Variants in FGF14 observed in about 807,000 individuals in gnomAD.
FGF14 encodes fibroblast growth factor 14.
FGF14 carries 5 observed loss-of-function variants against 25.5 expected under a neutral mutation model. The ratio of observed to expected loss-of-function variants is 0.20; its 90% CI spans 0.10 to 0.41. The LOEUF is 0.41. Ranked by LOEUF, FGF14 falls within the 10% of genes least tolerant of loss-of-function variation. The pLI, the probability that FGF14 is intolerant of heterozygous loss-of-function variation, is 1.00. For synonymous variants in FGF14, 138 were observed against 118.3 expected (o/e 1.17, Z -1.08); for missense variants, 222 against 320.1 (o/e 0.69, Z 2.34).
intron 1 of FGF14, among the ~76,000 whole-genome samples, chr13:102,233,526 C>T (rs949284255): frequency 2.0e-5 from 3 of 152,100 alleles, no homozygotes; most frequent in African/African-American, 7.2e-5. Context: ...TTGTTCACAG[C>T]TGTACCCCCA....
In FGF14 at chr13:102,234,203, A is replaced by G. The variant is rs544091608; in HGVS notation, c.208+167268T>C. The stretch of plus-strand genomic sequence containing the variant: ...ATACACTTAAATGTGAAGGTACTTA[A>G]TACCATGGAAATATACGCTTAAATG... On this transcript the variant is annotated intron_variant, in intron 1 of 4. Transcript: ENST00000376131. 1.6e-4 allele frequency among the ~76,000 whole-genome samples: 24 copies of G among 151,816 alleles called. No individual in the cohort carries two copies. In the South Asian group the frequency reaches 3.6e-3, roughly 23 times the overall value.
At chr13:102,260,631 G>C (rs2052672999) in intron 1 of FGF14, among the ~76,000 whole-genome samples, 1 of 152,242 alleles carries the variant, frequency 6.6e-6, no homozygotes, top group African/African-American at 2.4e-5. Flanking sequence ...CTGTTCATTT[G>C]CTGTAACGTG....
intron 3 of FGF14, among the ~76,000 whole-genome samples, chr13:101,847,211 C>A (rs1447586343): frequency 6.6e-6 from 1 of 151,802 alleles, no homozygotes; most frequent in East Asian, 1.9e-4. Flanking sequence ...TAAAACTATC[C>A]CTGTCTCTGG....
At chr13:102,120,466 C>T (rs181680511) in intron 1 of FGF14, among the ~76,000 whole-genome samples, 4 of 152,134 alleles carry the variant, frequency 2.6e-5, no homozygotes, top group African/African-American at 7.2e-5. Flanking sequence ...GACCCAGGGA[C>T]ACAGGACATA....
chr13:102,037,877 A>G (rs1483436788), intron 1 of FGF14, among the ~76,000 whole-genome samples: 1 of 152,140 alleles, frequency 6.6e-6, no homozygotes, highest in Middle Eastern at 3.2e-3. Flanking sequence ...CCTAGAAAGT[A>G]TAAATTTCCC....
rs1566523265 is a variant in FGF14, at chr13:101,977,200, C to CA, written c.209-101905dup. 6.2e-5 allele frequency among the ~76,000 whole-genome samples: 8 copies of CA among 129,958 alleles called. No homozygotes were observed. The South Asian group carries it at 1.8e-3, about 29-fold the overall frequency. 85.3% of individuals were successfully genotyped at this position (129,958 alleles called of 152,430 possible). A position where few individuals can be genotyped will look rare whatever the true frequency, so the allele number is the denominator to read the frequency against. On this transcript the variant is annotated intron_variant, in intron 1 of 4. Transcript: ENST00000376131. ...ATGAGGATCCCTCATGCCCAGGACC[C>CA]AGGCACTACTCCCCTCCTCCCTAAA... is the stretch of plus-strand genomic sequence containing the variant.
chr13:102,329,092 T>C (rs979854497), intron 1 of FGF14, among the ~76,000 whole-genome samples: 1 of 152,218 alleles, frequency 6.6e-6, no homozygotes, highest in Non-Finnish European at 1.5e-5. Context: ...ATGACCTAAC[T>C]GCTGAAGTTC....
intron 1 of FGF14, among the ~76,000 whole-genome samples, chr13:102,190,673 T>C (rs1395094421): frequency 2.6e-5 from 4 of 152,158 alleles, no homozygotes; most frequent in African/African-American, 4.8e-5. Context: ...TAAATTAATA[T>C]ACTCAACAAA....
At chr13:102,030,642 G>A (rs59201730) in intron 1 of FGF14, among the ~76,000 whole-genome samples, 1 of 151,960 alleles carries the variant, frequency 6.6e-6, no homozygotes, top group African/African-American at 2.4e-5. Context: ...AAGAGTCCAG[G>A]CGTACGGCTT....
At chr13:102,255,066 T>G (rs904492942) in intron 1 of FGF14, among the ~76,000 whole-genome samples, 5 of 152,342 alleles carry the variant, frequency 3.3e-5, no homozygotes, top group African/African-American at 1.2e-4. Flanking sequence ...CAGTGCTGTT[T>G]CCATGAATCA....
chr13:101,828,205 G>T (rs2042491240), intron 3 of FGF14, among the ~76,000 whole-genome samples: 1 of 151,966 alleles, frequency 6.6e-6, no homozygotes, highest in Non-Finnish European at 1.5e-5. Context: ...TAATGCAATA[G>T]TTGAACTACC....
intron 1 of FGF14, among the ~76,000 whole-genome samples, chr13:101,911,338 G>T (rs1156809951): frequency 6.6e-6 from 1 of 152,054 alleles, no homozygotes; most frequent in African/African-American, 2.4e-5. Context: ...GTTAGGAAAG[G>T]TCACAGGATT....
At chr13:101,775,915 G>A (rs990421932) in intron 3 of FGF14, among the ~76,000 whole-genome samples, 2 of 152,150 alleles carry the variant, frequency 1.3e-5, no homozygotes, top group South Asian at 2.1e-4. Flanking sequence ...AATTAGAAAC[G>A]CTGTATTTCT....
At chr13:101,853,117 T>A (rs1272902322) in intron 3 of FGF14, among the ~76,000 whole-genome samples, 2 of 152,066 alleles carry the variant, frequency 1.3e-5, no homozygotes, top group East Asian at 1.9e-4. Context: ...AGTCTTGTGA[T>A]CACCTGAGAG....
At chr13:102,374,841 G>A (rs895478641) in intron 1 of FGF14, among the ~76,000 whole-genome samples, 5 of 151,210 alleles carry the variant, frequency 3.3e-5, no homozygotes, top group African/African-American at 1.2e-4. Flanking sequence ...AGAGATATAG[G>A]TAGTTTATGC....
chr13:102,036,919 G>T (rs903802088), intron 1 of FGF14, among the ~76,000 whole-genome samples: 1 of 152,150 alleles, frequency 6.6e-6, no homozygotes, highest in Non-Finnish European at 1.5e-5. Flanking sequence ...AAAGAAAGGA[G>T]ATTTTTCCTG....
intron 1 of FGF14, among the ~76,000 whole-genome samples, chr13:102,299,065 T>C (rs1256934202): frequency 6.6e-6 from 1 of 152,170 alleles, no homozygotes; most frequent in East Asian, 1.9e-4. Context: ...TCAATGATGG[T>C]GATAAAGCAG....
chr13:101,912,178 T>G (rs182869236), intron 1 of FGF14, among the ~76,000 whole-genome samples: 42 of 152,290 alleles, frequency 2.8e-4, no homozygotes, highest in Non-Finnish European at 1.8e-4. Context: ...CATGCATTTC[T>G]GCTTTTTATA....
Position 101,714,370 on chromosome 13 carries a change from G to A in FGF14, c.*8461C>T, listed in dbSNP as rs562507900. ...AGAAGCCTGTTGTCAGTGTGTCAAC[G>A]ATATTCTATTCGAGATGGAAACCTT... On this transcript the variant is annotated 3_prime_UTR_variant, in exon 5 of 5. Coordinates refer to ENST00000376143, the MANE Select transcript of FGF14 (RefSeq NM_004115.4). The A allele has an allele frequency of 2.5e-5, 23 of 911,354 alleles. No individual in the cohort carries two copies. The highest frequency in any genetic ancestry group is 5.1e-5 in the Admixed American group (3 of 58,406). The allele number at this position is 911,354 out of a possible 1,614,324, so 56.5% of individuals were successfully genotyped here.
Sources: gnomAD v4.1 joint callset for allele counts (sites outside exome capture counted in the v4.1 genomes callset) on GRCh38, gnomAD v4.1.1 for gene constraint, MANE v1.5 for transcripts, NCBI Gene and HGNC (gene_info 2026-07-23, HGNC 2026-07-21) for gene names.